Variants in CUL4B observed in about 807,000 individuals in gnomAD.
CUL4B encodes the protein cullin-4B.
A neutral mutation model predicts 69.2 loss-of-function variants in CUL4B; 1 was observed. The ratio of observed to expected loss-of-function variants is 0.01; its 90% CI spans 0.01 to 0.07. CUL4B has a LOEUF of 0.07. Ranked by LOEUF, CUL4B falls within the 10% of genes least tolerant of loss-of-function variation. The pLI is 1.00. For synonymous variants in CUL4B, 237 were observed against 223.2 expected (o/e 1.06, Z -0.55); for missense variants, 328 against 638.8 (o/e 0.51, Z 5.24).
chrX:120,545,828 T>C (rs1369034432), intron 4 of CUL4B, among the ~76,000 whole-genome samples: 1 of 93,883 alleles, frequency 1.1e-5, no homozygotes, highest in Non-Finnish European at 2.1e-5. Flanking sequence ...GGAATGAAGC[T>C]GCCTTACATT....
At chrX:120,564,966 C>T (rs1925449344), upstream of CUL4B, among the ~76,000 whole-genome samples, 1 of 112,243 alleles carries the variant, frequency 8.9e-6, no homozygotes, top group Non-Finnish European at 1.9e-5. Flanking sequence ...TATTATTGGC[C>T]ACCTTTAACC....
intron 3 of CUL4B, 65 bp from the exon 4 acceptor site, chrX:120,546,681 A>G (rs1924354415): frequency 1.3e-6 from 1 of 793,683 alleles, no homozygotes; most frequent in Admixed American, 2.4e-5. Context: ...TGTGACAGAG[A>G]GCATATTAGT....
At chrX:120,541,336 C>T (rs1410446982) in intron 10 of CUL4B, among the ~76,000 whole-genome samples, 1 of 111,588 alleles carries the variant, frequency 9.0e-6, no homozygotes, top group East Asian at 2.8e-4. Context: ...CCCGTCTCTA[C>T]TAAAAATACA....
intron 18 of CUL4B, among the ~76,000 whole-genome samples, chrX:120,530,598 T>G (rs1483471864): frequency 8.9e-6 from 1 of 112,529 alleles, no homozygotes; most frequent in Non-Finnish European, 1.9e-5. Context: ...TGTATCAGTT[T>G]CAATGGATTG....
At chrX:120,556,226 A>G (rs1013211968) in intron 2 of CUL4B, among the ~76,000 whole-genome samples, 10 of 111,730 alleles carry the variant, frequency 9.0e-5, no homozygotes, top group Admixed American at 1.9e-4. Flanking sequence ...TACTACAACT[A>G]CTAGCCGACA....
chrX:120,539,545 T>C (rs1468398021), intron 11 of CUL4B, among the ~76,000 whole-genome samples, 173 bp from the exon 12 acceptor site: 1 of 111,885 alleles, frequency 8.9e-6, no homozygotes, highest in Non-Finnish European at 1.9e-5. Flanking sequence ...TTCAGTGCCA[T>C]AGAGCTAATA....
chrX:120,555,186 A>G (rs1008491207), intron 2 of CUL4B, among the ~76,000 whole-genome samples: 7 of 112,467 alleles, frequency 6.2e-5, no homozygotes, highest in Non-Finnish European at 7.5e-5. Flanking sequence ...ATGCTCTTGA[A>G]AGAAAAAGAT....
chrX:120,534,519 T>C lies in CUL4B; in HGVS notation c.2228A>G (p.Glu743Gly). The change falls in exon 17 of 20, where the codon GAG (glutamate) becomes GGG (glycine). Residue 743 changes from glutamate to glycine, a missense_variant. This residue lies in a region of CUL4B where 98 missense variants were observed against 296.8 expected (regional missense o/e 0.33). Transcript: ENST00000371322. ...CTGCTTGATCTCTTCTAAACTGAACTCCTCTCCCTCATTAAACATTAGCAG... is the reference window on the plus strand; with the variant it reads ...CTGCTTGATCTCTTCTAAACTGAACCCCTCTCCCTCATTAAACATTAGCAG... ...LVLLMFNEGE[E>G]FSLEEIKQAT... is the part of the protein sequence containing the mutation. The C allele has an allele frequency of 1.7e-6, 2 of 1,208,309 alleles. No individual in the cohort carries two copies. Among genetic ancestry groups the C allele is most frequent in the Non-Finnish European group, 2.2e-6 (2 of 892,870 alleles).
intron 2 of CUL4B, among the ~76,000 whole-genome samples, chrX:120,549,387 A>C (rs962713008): frequency 1.8e-5 from 2 of 111,657 alleles, no homozygotes; most frequent in Non-Finnish European, 3.8e-5. Context: ...CCCTGTCTCT[A>C]CTAAAAATAC....
At chrX:120,527,185 G>A (rs769816347) in intron 19 of CUL4B, among the ~76,000 whole-genome samples, 80 of 108,319 alleles carry the variant, frequency 7.4e-4, no homozygotes, top group African/African-American at 2.5e-3. Context: ...TCAGCTTCCC[G>A]AGTAGCTGGG....
rs1056086920 is a variant in CUL4B, at chrX:120,560,503, T to C, written c.136A>G (p.Ser46Gly). Residue 46 changes from serine to glycine, a missense_variant, in exon 1 of 20, where the codon AGT (serine) becomes GGT (glycine). Physicochemically the swap from Ser to Gly is moderately conservative, Grantham distance 56. Around this residue, in one of 4 missense-constraint regions of CUL4B, gnomAD observed 102 missense variants for 122.1 expected, o/e 0.84. Transcript: ENST00000371322. ...TCGTTACTACTGTTACTGCTGCTACTGCTGCTGCTGTTTAACTTTCTCTTC... is the reference window on the plus strand; with the variant it reads ...TCGTTACTACTGTTACTGCTGCTACCGCTGCTGCTGTTTAACTTTCTCTTC... ...AKKRKLNSSSSSSSNSSNERE... is the reference protein window; with the variant it reads ...AKKRKLNSSSGSSSNSSNERE... The C allele has an allele frequency of 9.1e-6, 11 of 1,208,466 alleles. No homozygotes were observed. Among genetic ancestry groups the C allele is most frequent in the South Asian group, 3.5e-5 (2 of 56,724 alleles).
chrX:120,544,077 A>C (rs769294903), intron 7 of CUL4B, 37 bp downstream of exon 7: 1 of 863,270 alleles, frequency 1.2e-6, no homozygotes, highest in Non-Finnish European at 1.7e-6. Flanking sequence ...CTATTGTGAG[A>C]GACAGTGAGA....
chrX:120,556,914 T>TA (rs1491145490), intron 2 of CUL4B, among the ~76,000 whole-genome samples: 7 of 36,218 alleles, frequency 1.9e-4, no homozygotes, highest in Non-Finnish European at 4.0e-4. Context: ...TATATATATA[T>TA]TTTTTTTTTT....
chrX:120,530,714 C>A (rs1039566147), intron 18 of CUL4B, among the ~76,000 whole-genome samples: 2 of 111,818 alleles, frequency 1.8e-5, no homozygotes, highest in Non-Finnish European at 3.8e-5. Flanking sequence ...TAAGAGTCAA[C>A]CTCTTTGAAA....
At chrX:120,556,986 A>C (rs1272261024) in intron 2 of CUL4B, among the ~76,000 whole-genome samples, 4 of 106,884 alleles carry the variant, frequency 3.7e-5, no homozygotes, top group Non-Finnish European at 7.7e-5. Flanking sequence ...ATCTCGGCTC[A>C]CCGCAACCTC....
At chrX:120,537,259 C>T (rs1923728429) in intron 14 of CUL4B, among the ~76,000 whole-genome samples, 1 of 112,061 alleles carries the variant, frequency 8.9e-6, no homozygotes, top group African/African-American at 3.2e-5. Flanking sequence ...ATCACATGAC[C>T]TCATTACAGG....
chrX:120,558,075 A>T (rs1182630589), intron 1 of CUL4B, 36 bp from the exon 2 acceptor site: 1 of 836,916 alleles, frequency 1.2e-6, no homozygotes, highest in Non-Finnish European at 1.8e-6. Context: ...TCAGAATACC[A>T]TGTCAGATAC....
chrX:120,565,182 G>C (rs1362052698), upstream of CUL4B, among the ~76,000 whole-genome samples: 1 of 110,310 alleles, frequency 9.1e-6, no homozygotes, highest in Non-Finnish European at 1.9e-5. Flanking sequence ...TACAGTTATA[G>C]CCATCTGGGG....
intron 15 of CUL4B, among the ~76,000 whole-genome samples, 154 bp downstream of exon 15, chrX:120,536,773 G>GA (rs1233120700): frequency 9.0e-6 from 1 of 111,706 alleles, no homozygotes; most frequent in African/African-American, 3.3e-5. Context: ...AGGCGGGGGG[G>GA]ATCACTTGAG....
Sources: allele counts gnomAD v4.1 joint callset (sites outside exome capture counted in the v4.1 genomes callset), GRCh38; gene constraint gnomAD v4.1.1; regional missense constraint gnomAD v4.1.1; transcripts MANE v1.5; gene names NCBI Gene and HGNC (gene_info 2026-07-23, HGNC 2026-07-21).